TNRC6C: variants seen among roughly 807,000 people sequenced by gnomAD.
TNRC6C encodes the protein trinucleotide repeat-containing gene 6C protein.
Under a neutral mutation model 153.7 loss-of-function variants are expected in TNRC6C, and 20 were observed. The observed-to-expected ratio is 0.13, with a 90% CI of 0.09 to 0.19. TNRC6C has a LOEUF of 0.19. Among genes scored for constraint, TNRC6C ranks in the 10% least tolerant of loss-of-function variants. The pLI is 1.00. For missense variants in TNRC6C, 1,987 were observed against 2,172.0 expected (o/e 0.91, Z 1.69); for synonymous variants, 811 against 841.4 (o/e 0.96, Z 0.63).
chr17:77,986,353 T>C (rs143166769), intron 1 of TNRC6C, among the ~76,000 whole-genome samples: 314 of 148,846 alleles, frequency 2.1e-3, no homozygotes, highest in African/African-American at 7.6e-3. Context: ...AGACAGGTTG[T>C]GGTGAGCCGA....
At chr17:78,051,446 C>T in exon 3 of TNRC6C, 2 of 1,408,656 alleles carry the variant, frequency 1.4e-6, no homozygotes, top group Non-Finnish European at 1.9e-6. Flanking sequence ...TTGCTTGGTC[C>T]AGGTAGGAAA....
intron 2 of TNRC6C, among the ~76,000 whole-genome samples, chr17:78,032,347 T>A (rs566199128): frequency 1.3e-5 from 2 of 152,366 alleles, no homozygotes; most frequent in South Asian, 4.1e-4. Flanking sequence ...TGCCTGTAAC[T>A]AGTTGTTAGC....
chr17:78,030,816 C>T lies in TNRC6C; in HGVS notation c.-545-700C>T, dbSNP rs529744606. ...CAGTAATTGTTAGAAATGCAAATTC[C>T]GGCCGGGCATGGTGGCTCACACCCG... On this transcript the variant is annotated intron_variant, in intron 1 of 19. Coordinates refer to ENST00000301624, the Ensembl canonical transcript of TNRC6C. Among the ~76,000 whole-genome samples the T allele has an allele frequency of 5.3e-4, 80 of 152,154 alleles. 1 individual carries two copies. Among genetic ancestry groups the T allele is most frequent in the African/African-American group, 1.8e-3 (73 of 41,530 alleles).
intron 1 of TNRC6C, among the ~76,000 whole-genome samples, chr17:78,017,551 T>C (rs1162069677): frequency 6.6e-6 from 1 of 151,978 alleles, no homozygotes; most frequent in Non-Finnish European, 1.5e-5. Flanking sequence ...CAGCTCACCA[T>C]GGGTTAACAA....
intron 1 of TNRC6C, among the ~76,000 whole-genome samples, chr17:78,005,389 C>A (rs1039942300): frequency 6.6e-6 from 1 of 152,132 alleles, no homozygotes; most frequent in Non-Finnish European, 1.5e-5. Context: ...TGAATAAGAA[C>A]AACCAAAGGA....
chr17:78,091,917 C>G (rs1470273336), intron 14 of TNRC6C, among the ~76,000 whole-genome samples: 1 of 152,132 alleles, frequency 6.6e-6, no homozygotes, highest in Non-Finnish European at 1.5e-5. Flanking sequence ...CTTGAGTCTG[C>G]TGAAATGTTT....
upstream of TNRC6C, chr17:78,004,094 G>C (rs927204825): frequency 1.3e-5 from 16 of 1,229,482 alleles, no homozygotes; most frequent in Non-Finnish European, 1.6e-5. Flanking sequence ...CTTAAGATTT[G>C]GAGCAGCTAG....
chr17:78,061,830 C>T (rs1024739648), intron 3 of TNRC6C, among the ~76,000 whole-genome samples: 2 of 152,116 alleles, frequency 1.3e-5, no homozygotes, highest in African/African-American at 4.8e-5. Context: ...ATTTCTCCTG[C>T]CTTTAAGAGG....
chr17:78,071,688 G>A (rs982461507), intron 6 of TNRC6C, among the ~76,000 whole-genome samples: 1 of 152,098 alleles, frequency 6.6e-6, no homozygotes, highest in Non-Finnish European at 1.5e-5. Context: ...ACGCCCAGCC[G>A]GAAAATGCTG....
At chr17:77,958,154 G>C (rs1020060485), upstream of TNRC6C, among the ~76,000 whole-genome samples, 1 of 151,836 alleles carries the variant, frequency 6.6e-6, no homozygotes, top group South Asian at 2.1e-4. Context: ...GACGCGCGCC[G>C]GTGCGGGCGC....
upstream of TNRC6C, among the ~76,000 whole-genome samples, chr17:78,004,440 C>T (rs547843656): frequency 6.6e-6 from 1 of 152,236 alleles, no homozygotes; most frequent in South Asian, 2.1e-4. Flanking sequence ...AGGTGACAGC[C>T]GTAAATGTCT....
At chr17:78,010,259 G>C (rs1323027470) in intron 1 of TNRC6C, among the ~76,000 whole-genome samples, 1 of 152,164 alleles carries the variant, frequency 6.6e-6, no homozygotes, top group Non-Finnish European at 1.5e-5. Context: ...ACTTTACCAT[G>C]CGTTCAGTTT....
intron 1 of TNRC6C, among the ~76,000 whole-genome samples, chr17:77,960,289 T>A (rs1490253413): frequency 6.6e-6 from 1 of 152,222 alleles, no homozygotes; most frequent in Non-Finnish European, 1.5e-5. Context: ...TTTAAGGAGT[T>A]GCAAGTTGGA....
chr17:78,093,394 A>G (rs903270355), intron 15 of TNRC6C: 9 of 679,262 alleles, frequency 1.3e-5, no homozygotes, highest in African/African-American at 5.4e-5. Context: ...CGGTAAAACT[A>G]TTCCAACCCT....
intron 6 of TNRC6C, among the ~76,000 whole-genome samples, chr17:78,071,374 C>T (rs2871764): frequency 0.23 from 34,589 of 152,014 alleles, 4,610 homozygotes; most frequent in East Asian, 0.37. Context: ...AAGACCCACA[C>T]AATTTCTATC....
At chr17:78,043,757 A>G (rs532041385) in intron 2 of TNRC6C, among the ~76,000 whole-genome samples, 7 of 151,628 alleles carry the variant, frequency 4.6e-5, no homozygotes, top group African/African-American at 1.7e-4. Flanking sequence ...CCTAGCCTCT[A>G]TCTTCATAAG....
exon 3 of TNRC6C, chr17:78,051,306 C>A (rs1386356692): frequency 6.4e-7 from 1 of 1,551,734 alleles, no homozygotes; most frequent in Admixed American, 2.0e-5. Context: ...GGGATAGAAA[C>A]AACCCGGTCA....
chr17:78,070,963 T>C, intron 5 of TNRC6C, 122 bp from the exon 8 acceptor site: 1 of 936,826 alleles, frequency 1.1e-6, no homozygotes, highest in African/African-American at 1.6e-5. Context: ...CATTATTCAA[T>C]GTTAATACAA....
At chr17:77,961,007 C>A (rs866925356) in intron 1 of TNRC6C, among the ~76,000 whole-genome samples, 1 of 151,930 alleles carries the variant, frequency 6.6e-6, no homozygotes, top group African/African-American at 2.4e-5. Context: ...CATAGTCAGG[C>A]CGTGAGAAAT....
Sources: gnomAD v4.1 joint callset for allele counts (sites outside exome capture counted in the v4.1 genomes callset) on GRCh38, gnomAD v4.1.1 for gene constraint, MANE v1.5 for transcripts, NCBI Gene and HGNC (gene_info 2026-07-23, HGNC 2026-07-21) for gene names.